The following ZNF475 variants were observed in gnomAD, a reference collection of about 807,000 sequenced individuals.
ZNF475 encodes zinc finger protein 475.
the ZNF475 span, chr5:122,160,191 C>G: frequency 7.8e-7 from 1 of 1,287,366 alleles, no homozygotes; most frequent in East Asian, 5.6e-5. Context: ...TCCTTGGTGC[C>G]AACCATGCCT....
At chr5:122,160,857 C>T in the ZNF475 span, among the ~76,000 whole-genome samples, 1 of 152,208 alleles carries the variant, frequency 6.6e-6, no homozygotes, top group Non-Finnish European at 1.5e-5. Context: ...ATCATGCATA[C>T]TGAATCTTTA....
the ZNF475 span, among the ~76,000 whole-genome samples, chr5:122,180,905 A>T: frequency 2.0e-5 from 3 of 152,318 alleles, no homozygotes; most frequent in Middle Eastern, 3.4e-3. Context: ...CCAGCTACTG[A>T]AATTAGAGCA....
chr5:122,166,393 C>T, the ZNF475 span, among the ~76,000 whole-genome samples: 10 of 151,962 alleles, frequency 6.6e-5, 1 homozygote, highest in South Asian at 2.1e-4. Context: ...ATTTGCACAA[C>T]GTGCAGGTTT....
chr5:122,160,345 A>C, the ZNF475 span: 8 of 1,119,624 alleles, frequency 7.1e-6, no homozygotes, highest in Non-Finnish European at 9.6e-6. Context: ...CATGTGTGGA[A>C]TATGTGTGTG....
At chr5:122,179,049 A>T in the ZNF475 span, among the ~76,000 whole-genome samples, 3 of 152,030 alleles carry the variant, frequency 2.0e-5, no homozygotes, top group Non-Finnish European at 4.4e-5. Flanking sequence ...ATGGTTGTAG[A>T]TGTGTGGCAT....
At chr5:122,171,306 A>G in the ZNF475 span, among the ~76,000 whole-genome samples, 1 of 152,172 alleles carries the variant, frequency 6.6e-6, no homozygotes, top group African/African-American at 2.4e-5. Context: ...ATTCATTATA[A>G]AAATCCAAGC....
chr5:122,162,572 C>G, the ZNF475 span: 1 of 152,124 alleles, frequency 6.6e-6, no homozygotes, highest in Admixed American at 6.5e-5. Flanking sequence ...CAGTCTCAGT[C>G]AAGTTGGTTG....
chr5:122,164,088 T>A, the ZNF475 span, among the ~76,000 whole-genome samples: 1 of 152,248 alleles, frequency 6.6e-6, no homozygotes, highest in African/African-American at 2.4e-5. Context: ...GATTCCCTTT[T>A]AGTCACTGGC....
the ZNF475 span, among the ~76,000 whole-genome samples, chr5:122,181,681 C>G: frequency 1.3e-5 from 2 of 152,108 alleles, no homozygotes; most frequent in Non-Finnish European, 2.9e-5. Context: ...TTTTGAGTGC[C>G]TTGTTACATT....
At chr5:122,161,919 T>A in the ZNF475 span, among the ~76,000 whole-genome samples, 15 of 152,002 alleles carry the variant, frequency 9.9e-5, 1 homozygote, top group Admixed American at 5.2e-4. Context: ...ACCTTCCAAC[T>A]ATGTTCTTCT....
chr5:122,169,208 T>C, the ZNF475 span, among the ~76,000 whole-genome samples: 2 of 152,212 alleles, frequency 1.3e-5, no homozygotes, highest in South Asian at 4.2e-4. Context: ...CTGAGGGAGT[T>C]CTCCTCTCTC....
chr5:122,172,744 C>G, the ZNF475 span, among the ~76,000 whole-genome samples: 1 of 152,112 alleles, frequency 6.6e-6, no homozygotes, highest in Non-Finnish European at 1.5e-5. Context: ...AAGAAGTGAA[C>G]AAATGTGGGC....
At chr5:122,170,795 C>G in the ZNF475 span, among the ~76,000 whole-genome samples, 2 of 152,160 alleles carry the variant, frequency 1.3e-5, no homozygotes, top group South Asian at 4.1e-4. Context: ...GGCAACCAGC[C>G]CGAATCTTAA....
the ZNF475 span, among the ~76,000 whole-genome samples, chr5:122,174,924 A>C: frequency 6.6e-5 from 10 of 152,178 alleles, no homozygotes. Context: ...ACATCTTGAA[A>C]ATTTTTCCTT....
chr5:122,176,814 C>A, the ZNF475 span, among the ~76,000 whole-genome samples: 1 of 152,142 alleles, frequency 6.6e-6, no homozygotes, highest in Non-Finnish European at 1.5e-5. Flanking sequence ...ATTTATCTTG[C>A]AACTTTGAGT....
the ZNF475 span, among the ~76,000 whole-genome samples, chr5:122,178,845 C>T: frequency 6.6e-6 from 1 of 152,150 alleles, no homozygotes; most frequent in African/African-American, 2.4e-5. Flanking sequence ...CCTAGGTTTT[C>T]TTCTAGGGTT....
the ZNF475 span, among the ~76,000 whole-genome samples, chr5:122,178,659 A>C: frequency 1.3e-5 from 2 of 151,890 alleles, no homozygotes; most frequent in African/African-American, 4.8e-5. Context: ...GAGTAGGTTG[A>C]GAAAATTTTC....
the ZNF475 span, among the ~76,000 whole-genome samples, chr5:122,176,541 A>G: frequency 2.6e-5 from 4 of 152,156 alleles, no homozygotes; most frequent in Non-Finnish European, 5.9e-5. Context: ...CTGGGTTCCT[A>G]AAATGGTAGA....
At chr5:122,179,708 A>C in the ZNF475 span, 16 of 1,523,284 alleles carry the variant, frequency 1.1e-5, no homozygotes, top group East Asian at 3.0e-4. Context: ...TACCTAAAAA[A>C]CCAGAAGTCA....
Sources: gnomAD v4.1 joint callset for allele counts (sites outside exome capture counted in the v4.1 genomes callset) on GRCh38, gnomAD v4.1.1 for gene constraint, MANE v1.5 for transcripts, NCBI Gene and HGNC (gene_info 2026-07-23, HGNC 2026-07-21) for gene names.